The following CAB39 variants were observed in gnomAD, a reference collection of about 807,000 sequenced individuals.
CAB39 encodes the protein calcium binding protein 39.
A neutral mutation model predicts 40.0 loss-of-function variants in CAB39; 8 were observed. That is an observed-to-expected ratio of 0.20 (90% confidence interval 0.12 to 0.36). CAB39 has a LOEUF of 0.36. Ranked by LOEUF, CAB39 falls within the 10% of genes least tolerant of loss-of-function variation. The pLI is 1.00. For missense variants in CAB39, 270 were observed against 401.1 expected, an observed-to-expected ratio of 0.67 and a Z score of 2.79; for synonymous variants, 156 against 141.6, an observed-to-expected ratio of 1.10 and a Z score of -0.72.
At chr2:230,751,644 A>T (rs542266275) in intron 1 of CAB39, among the ~76,000 whole-genome samples, 1 of 152,200 alleles carries the variant, frequency 6.6e-6, no homozygotes, top group South Asian at 2.1e-4. Flanking sequence ...CTTTCTTGGG[A>T]TGTTGCTTTG....
intron 2 of CAB39, among the ~76,000 whole-genome samples, chr2:230,760,586 G>A (rs1695272245): frequency 6.6e-6 from 1 of 152,190 alleles, no homozygotes; most frequent in Non-Finnish European, 1.5e-5. Context: ...GGCCAAGCAG[G>A]CAACTTGAGA....
intron 1 of CAB39, chr2:230,725,536 G>C (rs1694551225): frequency 2.3e-6 from 2 of 864,516 alleles, no homozygotes. Context: ...ATATTTTTAG[G>C]TAAGTAATGG....
intron 2 of CAB39, among the ~76,000 whole-genome samples, chr2:230,772,643 C>A (rs1695503118): frequency 6.6e-6 from 1 of 152,096 alleles, no homozygotes. Context: ...CACCAAGACG[C>A]CTGGCTAATT....
intron 1 of CAB39, among the ~76,000 whole-genome samples, chr2:230,755,319 A>G (rs1695171097): frequency 6.6e-6 from 1 of 152,118 alleles, no homozygotes; most frequent in East Asian, 1.9e-4. Context: ...TTGATTTTTT[A>G]ATTATGGCCA....
chr2:230,714,739 A>T (rs1694319196), intron 1 of CAB39, among the ~76,000 whole-genome samples: 1 of 152,200 alleles, frequency 6.6e-6, no homozygotes, highest in Non-Finnish European at 1.5e-5. Flanking sequence ...TTTATTATGA[A>T]ATCTTTATAG....
At chr2:230,730,766 A>T (rs2124873003) in intron 1 of CAB39, among the ~76,000 whole-genome samples, 1 of 152,248 alleles carries the variant, frequency 6.6e-6, no homozygotes, top group Middle Eastern at 3.4e-3. Flanking sequence ...ATGAATATCC[A>T]TTGGATGAAA....
At chr2:230,817,216 C>T (rs557368718) in intron 7 of CAB39, among the ~76,000 whole-genome samples, 5 of 152,300 alleles carry the variant, frequency 3.3e-5, no homozygotes, top group African/African-American at 1.2e-4. Context: ...CAGAAAAATA[C>T]TCACTTGTGT....
At chr2:230,813,130 C>T (rs1696333626) in intron 6 of CAB39, among the ~76,000 whole-genome samples, 1 of 152,216 alleles carries the variant, frequency 6.6e-6, no homozygotes. Flanking sequence ...TGCAGACTTT[C>T]AGAATGTTTT....
chr2:230,815,596 G>A (rs529233938), intron 7 of CAB39, among the ~76,000 whole-genome samples: 11 of 152,304 alleles, frequency 7.2e-5, no homozygotes, highest in African/African-American at 2.6e-4. Context: ...AGCTGGGGCC[G>A]GGGGTGCAGG....
At chr2:230,789,944 C>T (rs1695864977) in intron 2 of CAB39, among the ~76,000 whole-genome samples, 1 of 152,118 alleles carries the variant, frequency 6.6e-6, no homozygotes, top group Non-Finnish European at 1.5e-5. Context: ...GTTTCAAAGT[C>T]ATTGTTTTGG....
intron 5 of CAB39, among the ~76,000 whole-genome samples, chr2:230,809,100 A>G (rs556624768): frequency 1.3e-5 from 2 of 152,228 alleles, no homozygotes; most frequent in Non-Finnish European, 2.9e-5. Flanking sequence ...GACGAACAGT[A>G]GGTAACCACG....
intron 1 of CAB39, among the ~76,000 whole-genome samples, chr2:230,742,530 C>G (rs1247930909): frequency 8.9e-6 from 1 of 112,916 alleles, no homozygotes; most frequent in Non-Finnish European, 1.8e-5. Context: ...AGTTGAAATG[C>G]AAATGGCAAA....
intron 1 of CAB39, among the ~76,000 whole-genome samples, chr2:230,754,489 C>T (rs1012154958): frequency 2.7e-5 from 4 of 149,926 alleles, no homozygotes; most frequent in African/African-American, 4.9e-5. Flanking sequence ...CCTTCCGCTC[C>T]TCTTCCTCCT....
chr2:230,736,601 T>C (rs1694791780), intron 1 of CAB39, among the ~76,000 whole-genome samples: 3 of 152,156 alleles, frequency 2.0e-5, no homozygotes, highest in Admixed American at 2.0e-4. Context: ...GCCAACCACT[T>C]AGGAGAAGCA....
intron 1 of CAB39, among the ~76,000 whole-genome samples, chr2:230,741,178 A>G (rs750419917): frequency 9.9e-5 from 15 of 152,200 alleles, no homozygotes; most frequent in Non-Finnish European, 1.8e-4. Context: ...GTTGCTGACT[A>G]TGGTAATTGT....
chr2:230,780,361 AAT>A (rs1227561897), intron 2 of CAB39, among the ~76,000 whole-genome samples: 1 of 152,230 alleles, frequency 6.6e-6, no homozygotes, highest in African/African-American at 2.4e-5. Flanking sequence ...ACATTGGTAT[AAT>A]ACTATTAACT....
intron 2 of CAB39, among the ~76,000 whole-genome samples, chr2:230,769,029 T>G (rs115450699): frequency 0.02 from 3,022 of 152,200 alleles, 89 homozygotes; most frequent in African/African-American, 0.069. Flanking sequence ...AGTTAGCAAC[T>G]TAAAATAGGT....
chr2:230,783,254 T>G (rs1462010096), intron 2 of CAB39, among the ~76,000 whole-genome samples: 1 of 152,192 alleles, frequency 6.6e-6, no homozygotes, highest in Non-Finnish European at 1.5e-5. Flanking sequence ...ATATGCTCAT[T>G]AAGTGAAATG....
At position 230,817,760 on chromosome 2, in the gene CAB39, G is replaced by A. The variant is rs143185961; in HGVS notation, c.700G>A (p.Gly234Ser). Residue 234 changes from glycine (G) to serine (S), a missense_variant, in exon 8 of 9, where the codon GGT (glycine) becomes AGT (serine). Gly to Ser is a moderately conservative substitution (Grantham distance 56). Transcript: ENST00000258418. ...VTKRQSLKLLGELLLDRHNFT... is the reference protein window; with the variant it reads ...VTKRQSLKLLSELLLDRHNFT... ...TGTTTAAATGTCTTCTCAGCTTCTCGGTGAACTACTACTAGATAGACACAA... is the reference window on the plus strand; with the variant it reads ...TGTTTAAATGTCTTCTCAGCTTCTCAGTGAACTACTACTAGATAGACACAA... The A allele has an allele frequency of 6.3e-6, 10 of 1,576,134 alleles. No homozygotes were observed. Among genetic ancestry groups the A allele is most frequent in the East Asian group, 2.3e-5 (1 of 44,158 alleles).
Sources: gnomAD v4.1 joint callset for allele counts (sites outside exome capture counted in the v4.1 genomes callset) on GRCh38, gnomAD v4.1.1 for gene constraint, MANE v1.5 for transcripts, NCBI Gene and HGNC (gene_info 2026-07-23, HGNC 2026-07-21) for gene names.